Variants in OOEP observed in about 807,000 individuals in gnomAD.
The protein encoded by OOEP is oocyte expressed protein, also known as oocyte-expressed protein homolog.
A neutral mutation model predicts 13.7 loss-of-function variants in OOEP; 16 were observed. That is an observed-to-expected ratio of 1.16 (90% CI 0.79 to 1.77). OOEP has a LOEUF of 1.77. OOEP is among the 40% of genes most tolerant of loss of function. The pLI is 0.00. For synonymous variants in OOEP, 89 were observed against 77.1 expected (o/e 1.15, Z -0.81); for missense variants, 195 against 193.1 (o/e 1.01, Z -0.06).
intron 2 of OOEP, among the ~76,000 whole-genome samples, chr6:73,390,739 G>A (rs9446894): frequency 6.6e-6 from 1 of 150,460 alleles, no homozygotes; most frequent in South Asian, 2.1e-4. Context: ...ACCATGCCCA[G>A]CTAATTTTTT....
At chr6:73,381,150 A>C (rs1308762959) in intron 2 of OOEP, among the ~76,000 whole-genome samples, 1 of 150,484 alleles carries the variant, frequency 6.6e-6, no homozygotes, top group East Asian at 1.9e-4. Flanking sequence ...CAAGAGTGAA[A>C]CTCCATTTCA....
upstream of OOEP, chr6:73,370,220 A>T: frequency 5.5e-6 from 1 of 180,976 alleles, no homozygotes; most frequent in Non-Finnish European, 1.2e-5. Context: ...TCCCAAAGAT[A>T]GGTATATCGG....
intron 2 of OOEP, among the ~76,000 whole-genome samples, chr6:73,392,237 T>G (rs1243762445): frequency 6.6e-6 from 1 of 152,240 alleles, no homozygotes; most frequent in Non-Finnish European, 1.5e-5. Flanking sequence ...CTAAAGATTG[T>G]TAATACTACC....
chr6:73,369,651 C>A lies in OOEP; in HGVS notation c.142G>T (p.Asp48Tyr). 1 of 1,614,072 alleles carries A rather than the reference C, an allele frequency of 6.2e-7. No homozygotes were observed. Among genetic ancestry groups the A allele is most frequent in the Non-Finnish European group, 8.5e-7 (1 of 1,179,894 alleles). Residue 48 changes from aspartate (D) to tyrosine (Y), a missense_variant, in exon 1 of 3, where the codon GAC (aspartate) becomes TAC (tyrosine). Asp to Tyr is a radical substitution (Grantham distance 160). Transcript: ENST00000370359. ...PWWFPVQELR[D>Y]PLVFYLEAWL... is the part of the protein sequence containing the mutation. Reference sequence around the variant, plus strand: ...GCCTCTAGGTAGAACACCAAAGGGTCTCTCAGTTCCTGCACCGGAAACCAC... The same window carrying A: ...GCCTCTAGGTAGAACACCAAAGGGTATCTCAGTTCCTGCACCGGAAACCAC...
At chr6:73,372,908 C>T (rs1312006454), upstream of OOEP, among the ~76,000 whole-genome samples, 12 of 134,524 alleles carry the variant, frequency 8.9e-5, no homozygotes, top group Middle Eastern at 3.7e-3. Context: ...TTTTTCTTTC[C>T]TTTTTTTTTT....
At chr6:73,389,268 C>A (rs980125080) in intron 2 of OOEP, among the ~76,000 whole-genome samples, 2 of 152,156 alleles carry the variant, frequency 1.3e-5, no homozygotes, top group African/African-American at 2.4e-5. Flanking sequence ...AGCTTCTACC[C>A]CAGGAGCAGA....
exon 1 of OOEP, chr6:73,394,955 G>A (rs1404287610): frequency 1.2e-6 from 2 of 1,614,158 alleles, no homozygotes; most frequent in African/African-American, 1.3e-5. Flanking sequence ...GTCGTTGCTA[G>A]TCGGCGAAGC....
At chr6:73,375,462 C>T (rs541760450) in intron 2 of OOEP, among the ~76,000 whole-genome samples, 2 of 151,956 alleles carry the variant, frequency 1.3e-5, no homozygotes, top group South Asian at 4.2e-4. Flanking sequence ...CCTTGTAGTC[C>T]CAACTACTCT....
Position 73,369,833 on chromosome 6 carries a change from C to G in OOEP, c.-41G>C, listed in dbSNP as rs754962165. 1 of 1,570,844 alleles carries G rather than the reference C, an allele frequency of 6.4e-7. No individual in the cohort carries two copies. The highest frequency in any genetic ancestry group is 8.7e-7 in the Non-Finnish European group (1 of 1,149,838). On this transcript the variant is annotated 5_prime_UTR_variant, in exon 1 of 3. Coordinates refer to ENST00000370359, the MANE Select transcript of OOEP (RefSeq NM_001080507.3). Reference sequence around the variant, plus strand: ...CGCGGAGCGCGCTCGAGGCGGCTTTCGCAAGACCTCTTCCAGACCCAGGCG... The same window carrying G: ...CGCGGAGCGCGCTCGAGGCGGCTTTGGCAAGACCTCTTCCAGACCCAGGCG...
chr6:73,387,226 C>A, intron 2 of OOEP, among the ~76,000 whole-genome samples: 1 of 151,490 alleles, frequency 6.6e-6, no homozygotes, highest in Admixed American at 6.6e-5. Context: ...GCAAAAATAA[C>A]CACCAGGCAT....
rs116544368 is a variant in OOEP at position 73,385,406 on chromosome 6, C to T, written c.25+8940G>A. On this transcript the variant is annotated intron_variant, in intron 2 of 3. Transcript: ENST00000370363. ...CATTATTAAAAAAAAAATTATATACCATGATTAAGGGGATTTATCCCAGGA... is the reference window on the plus strand; with the variant it reads ...CATTATTAAAAAAAAAATTATATACTATGATTAAGGGGATTTATCCCAGGA... Among the ~76,000 whole-genome samples the T allele has an allele frequency of 8.5e-3, 1,292 of 151,728 alleles. 16 individuals are homozygous for T. Among genetic ancestry groups the T allele is most frequent in the African/African-American group, 0.03 (1,233 of 41,332 alleles).
intron 2 of OOEP, among the ~76,000 whole-genome samples, chr6:73,384,413 T>C (rs1040455929): frequency 5.3e-5 from 8 of 152,158 alleles, no homozygotes; most frequent in Non-Finnish European, 2.9e-5. Context: ...AAACAGAAGA[T>C]GAAAGAACAC....
rs1293227779 is a variant in OOEP at position 73,376,288 on chromosome 6, T to C, written c.26-6903A>G. 2.0e-5 allele frequency among the ~76,000 whole-genome samples: 3 copies of C among 151,094 alleles called. No homozygotes were observed. The Admixed American group carries it at 2.0e-4, about 10-fold the overall frequency. ...CGTTTGTTTTTCTAAGTCACTTTGA[T>C]ACAGAGAAACAGCCTTAATTGACAA... On this transcript the variant is annotated intron_variant, in intron 2 of 3. Coordinates refer to the OOEP transcript ENST00000370363.
At chr6:73,375,196 A>C (rs1769120556) in intron 2 of OOEP, among the ~76,000 whole-genome samples, 1 of 152,202 alleles carries the variant, frequency 6.6e-6, no homozygotes, top group South Asian at 2.1e-4. Context: ...TTTAAGGTGA[A>C]GCTGAGCTTT....
intron 2 of OOEP, among the ~76,000 whole-genome samples, chr6:73,382,714 C>T (rs992568639): frequency 2.0e-5 from 3 of 151,834 alleles, no homozygotes; most frequent in African/African-American, 7.3e-5. Flanking sequence ...CCATGCCCTG[C>T]TAATTTTTAC....
At chr6:73,394,005 C>T (rs894911735) in intron 2 of OOEP, among the ~76,000 whole-genome samples, 1 of 152,118 alleles carries the variant, frequency 6.6e-6, no homozygotes, top group Non-Finnish European at 1.5e-5. Flanking sequence ...TTATGACTTA[C>T]AAAAGGATCA....
intron 2 of OOEP, among the ~76,000 whole-genome samples, chr6:73,380,466 TC>T (rs1342049442): frequency 1.3e-5 from 2 of 152,122 alleles, no homozygotes; most frequent in Non-Finnish European, 2.9e-5. Context: ...CAAATGTCTA[TC>T]TATAATAGAA....
At chr6:73,373,064 C>T, upstream of OOEP, 1 of 1,474,984 alleles carries the variant, frequency 6.8e-7, no homozygotes, top group South Asian at 1.1e-5. Flanking sequence ...ATGATCGTGA[C>T]CTTCAGACAG....
chr6:73,391,414 T>C (rs559839202), intron 2 of OOEP: 1 of 152,694 alleles, frequency 6.5e-6, no homozygotes, highest in Admixed American at 6.5e-5. Context: ...CAGTTCAGGA[T>C]TAGCCTTCTC....
Sources: gnomAD v4.1 joint callset for allele counts (sites outside exome capture counted in the v4.1 genomes callset) on GRCh38, gnomAD v4.1.1 for gene constraint, MANE v1.5 for transcripts, NCBI Gene and HGNC (gene_info 2026-07-23, HGNC 2026-07-21) for gene names.